Variants in NR3C2 observed in about 807,000 individuals in gnomAD.
The protein encoded by NR3C2 is mineralocorticoid receptor.
In NR3C2, 15 loss-of-function variants were observed where a neutral mutation model predicts 86.4. The ratio of observed to expected loss-of-function variants is 0.17; its 90% CI spans 0.12 to 0.27. The LOEUF (loss-of-function observed/expected upper bound fraction) is 0.27. Among genes scored for constraint, NR3C2 ranks in the 10% least tolerant of loss-of-function variants. The pLI is 1.00. For missense variants in NR3C2, 960 were observed against 1,195.6 expected (o/e 0.80, Z 2.91); for synonymous variants, 458 against 450.5 (o/e 1.02, Z -0.21).
In NR3C2 at chr4:148,097,509, G is replaced by A. The variant is rs984501400; in HGVS notation, c.2800-16010C>T. 4.6e-5 allele frequency among the ~76,000 whole-genome samples: 7 copies of A among 152,148 alleles called. No individual in the cohort carries two copies. In the East Asian group the frequency reaches 7.7e-4, roughly 17 times the overall value. ...ATATAGTTATAATTAAGTATTAATCGTGCTGCACTTTGGCCCACTTCCTAC... is the reference window on the plus strand; with the variant it reads ...ATATAGTTATAATTAAGTATTAATCATGCTGCACTTTGGCCCACTTCCTAC... On this transcript the variant is annotated intron_variant, in intron 8 of 8. Transcript: ENST00000358102.
intron 2 of NR3C2, among the ~76,000 whole-genome samples, chr4:148,384,371 G>A (rs762732987): frequency 4.0e-4 from 61 of 151,750 alleles, no homozygotes; most frequent in Non-Finnish European, 6.0e-4. Flanking sequence ...GATTTTCTTT[G>A]TCCAGAAGAG....
intron 2 of NR3C2, among the ~76,000 whole-genome samples, chr4:148,333,725 T>C (rs1254886463): frequency 2.0e-5 from 3 of 152,086 alleles, no homozygotes; most frequent in African/African-American, 2.4e-5. Flanking sequence ...CAAGGCAGTA[T>C]TAGTGCAAGA....
chr4:148,381,741 G>T (rs911751797), intron 2 of NR3C2, among the ~76,000 whole-genome samples: 1 of 152,100 alleles, frequency 6.6e-6, no homozygotes. Context: ...CTCACTCAGG[G>T]TATGCTCACT....
intron 3 of NR3C2, among the ~76,000 whole-genome samples, chr4:148,258,780 G>A (rs1739950647): frequency 6.6e-6 from 1 of 152,218 alleles, no homozygotes; most frequent in Non-Finnish European, 1.5e-5. Flanking sequence ...TGGCTTGCCT[G>A]AAGCCAAGCC....
intron 2 of NR3C2, among the ~76,000 whole-genome samples, chr4:148,309,959 A>C (rs1742826757): frequency 6.6e-6 from 1 of 152,182 alleles, no homozygotes. Flanking sequence ...GCAAACAAAA[A>C]AATGAAGGCT....
At chr4:148,117,108 G>T (rs777713618) in intron 7 of NR3C2, among the ~76,000 whole-genome samples, 1 of 152,178 alleles carries the variant, frequency 6.6e-6, no homozygotes, top group Non-Finnish European at 1.5e-5. Context: ...GGACAACCCT[G>T]CAGGTGAGGG....
At chr4:148,268,074 G>A (rs1740492035) in intron 2 of NR3C2, among the ~76,000 whole-genome samples, 1 of 151,770 alleles carries the variant, frequency 6.6e-6, no homozygotes, top group African/African-American at 2.4e-5. Context: ...GAGTAGCTGG[G>A]ATTACAGGCA....
intron 2 of NR3C2, among the ~76,000 whole-genome samples, chr4:148,340,893 A>G (rs1226494514): frequency 6.6e-6 from 1 of 152,156 alleles, no homozygotes; most frequent in African/African-American, 2.4e-5. Flanking sequence ...TGTGCATCAG[A>G]GAAATGCACA....
At chr4:148,335,513 C>A (rs918359812) in intron 2 of NR3C2, among the ~76,000 whole-genome samples, 3 of 152,134 alleles carry the variant, frequency 2.0e-5, no homozygotes, top group Admixed American at 2.0e-4. Context: ...ACAACAGCAG[C>A]CATTGAATCA....
intron 3 of NR3C2, among the ~76,000 whole-genome samples, chr4:148,242,367 C>T (rs1483385305): frequency 6.6e-6 from 1 of 152,128 alleles, no homozygotes; most frequent in Non-Finnish European, 1.5e-5. Flanking sequence ...AGCAATCTGG[C>T]AACATTTCTT....
chr4:148,118,523 T>C (rs145066852), intron 7 of NR3C2, among the ~76,000 whole-genome samples: 168 of 152,324 alleles, frequency 1.1e-3, no homozygotes, highest in African/African-American at 3.9e-3. Context: ...CCACTCACCA[T>C]TGGAATTATA....
chr4:148,263,143 A>T (rs72728454), intron 2 of NR3C2, among the ~76,000 whole-genome samples: 22,110 of 152,138 alleles, frequency 0.15, 2,023 homozygotes, highest in Admixed American at 0.2. Context: ...TCCTAGCTTC[A>T]AACAGCTCGC....
intron 6 of NR3C2, among the ~76,000 whole-genome samples, chr4:148,131,148 A>G (rs1447773824): frequency 6.6e-6 from 1 of 152,146 alleles, no homozygotes; most frequent in Admixed American, 6.5e-5. Flanking sequence ...GTTTGTTAAC[A>G]TACTATTTAT....
intron 2 of NR3C2, among the ~76,000 whole-genome samples, chr4:148,406,918 G>A (rs185978559): frequency 2.9e-4 from 44 of 152,248 alleles, no homozygotes; most frequent in Non-Finnish European, 4.6e-4. Context: ...TTTAAGCTGC[G>A]TAATTATTGG....
chr4:148,161,615 T>A (rs1734666072), intron 4 of NR3C2, among the ~76,000 whole-genome samples: 1 of 152,186 alleles, frequency 6.6e-6, no homozygotes, highest in African/African-American at 2.4e-5. Context: ...CTTGGCCTCA[T>A]ATATTACATT....
At chr4:148,147,922 C>T (rs767805943) in intron 6 of NR3C2, among the ~76,000 whole-genome samples, 3 of 152,158 alleles carry the variant, frequency 2.0e-5, no homozygotes, top group Non-Finnish European at 2.9e-5. Context: ...ATAGGGCAGT[C>T]GCATCTCCTT....
intron 2 of NR3C2, among the ~76,000 whole-genome samples, chr4:148,269,013 GTAACTTAAAAGA>G: frequency 6.6e-6 from 1 of 152,206 alleles, no homozygotes. Context: ...AGGCTGGAAT[GTAACTTAAAAGA>G]TAGGTTGTCC....
At chr4:148,426,782 G>C (rs13133379) in intron 2 of NR3C2, among the ~76,000 whole-genome samples, 1 of 151,846 alleles carries the variant, frequency 6.6e-6, no homozygotes, top group African/African-American at 2.4e-5. Flanking sequence ...AGCATCCACA[G>C]GGACTCCCTC....
intron 4 of NR3C2, among the ~76,000 whole-genome samples, chr4:148,163,266 C>T (rs1440054666): frequency 1.3e-5 from 2 of 152,132 alleles, no homozygotes; most frequent in Non-Finnish European, 2.9e-5. Flanking sequence ...TGCCTGAGGG[C>T]AGTTCTGCCC....
Sources: allele counts gnomAD v4.1 joint callset (sites outside exome capture counted in the v4.1 genomes callset), GRCh38; gene constraint gnomAD v4.1.1; transcripts MANE v1.5; gene names NCBI Gene and HGNC (gene_info 2026-07-23, HGNC 2026-07-21).